The following ACSF3 variants were observed in gnomAD, a reference collection of about 807,000 sequenced individuals.
ACSF3 encodes acyl-CoA synthetase family member 3.
ACSF3 carries 78 observed loss-of-function variants against 53.2 expected under a neutral mutation model. The ratio of observed to expected loss-of-function variants is 1.47; its 90% CI spans 1.22 to 1.77. ACSF3 has a LOEUF of 1.77. Ranked by LOEUF, ACSF3 falls within the 40% of genes most tolerant of loss-of-function variation. The pLI is 0.00. For missense variants in ACSF3, 937 were observed against 771.1 expected (o/e 1.22, Z -2.55); for synonymous variants, 414 against 333.1 (o/e 1.24, Z -2.65).
In ACSF3 at chr16:89,100,692, A is replaced by G. The variant is rs1255089115; in HGVS notation, c.11A>G (p.His4Arg). MLPHVVLTFRRLGC... is the reference protein window; with the variant it reads MLPRVVLTFRRLGC... ...CCGCCTGTCAGTGCAATGCTGCCCC[A>G]TGTGGTGCTCACCTTCCGGCGCCTG... The change falls in exon 3 of 11, where the codon CAT becomes CGT. Residue 4 changes from histidine to arginine, a missense_variant. Transcript: ENST00000614302. The G allele has an allele frequency of 3.3e-6, 5 of 1,531,068 alleles. No homozygotes were observed. The Admixed American group carries it at 5.7e-5, about 18-fold the overall frequency. 94.8% of individuals were successfully genotyped at this position (1,531,068 alleles called of 1,614,324 possible).
intron 7 of ACSF3, among the ~76,000 whole-genome samples, chr16:89,129,601 A>G (rs935252726): frequency 6.6e-6 from 1 of 152,154 alleles, no homozygotes; most frequent in South Asian, 2.1e-4. Context: ...TGTTTAGACC[A>G]TTTACATTTA....
intron 8 of ACSF3, chr16:89,141,262 G>A: frequency 7.8e-7 from 1 of 1,287,284 alleles, no homozygotes; most frequent in Non-Finnish European, 1.0e-6. Flanking sequence ...CCTTGGCAAA[G>A]GCACAGCAAG....
chr16:89,132,111 C>T (rs1355517232), intron 7 of ACSF3, among the ~76,000 whole-genome samples: 5 of 152,286 alleles, frequency 3.3e-5, no homozygotes, highest in Admixed American at 6.5e-5. Flanking sequence ...GGCCCCACGG[C>T]GTTTGAGCGC....
At position 89,110,824 on chromosome 16, in the gene ACSF3, C is replaced by T. The variant is rs115492562; in HGVS notation, c.823-1268C>T. Among the ~76,000 whole-genome samples, 733 of 152,316 alleles carry T rather than the reference C, an allele frequency of 4.8e-3. 5 individuals carry two copies. Among genetic ancestry groups the T allele is most frequent in the African/African-American group, 0.017 (702 of 41,560 alleles). On this transcript the variant is annotated intron_variant, in intron 4 of 10. Transcript: ENST00000614302. ...TCCACCCGCTTATCTGTTCCCCTCC[C>T]TCCCTCGATGGCAGTGTTGTGGGTG...
rs762693999 is a variant in ACSF3, at chr16:89,154,437, C to G, written c.*230C>G. On this transcript the variant is annotated 3_prime_UTR_variant, in exon 11 of 11. Coordinates refer to ENST00000614302, the MANE Select transcript of ACSF3 (RefSeq NM_001243279.3). ...CCTGGTGTCACCTCTGCCTGGTCAC[C>G]GCCGACCTCATCTGTGCAGCGCGGT... The G allele has an allele frequency of 1.5e-6, 1 of 659,016 alleles. No homozygotes were observed. The highest frequency in any genetic ancestry group is 2.8e-6 in the Non-Finnish European group (1 of 358,970). 40.8% of individuals were successfully genotyped at this position (659,016 alleles called of 1,614,324 possible).
At chr16:89,142,048 C>T (rs1567740357) in intron 8 of ACSF3, among the ~76,000 whole-genome samples, 1 of 152,230 alleles carries the variant, frequency 6.6e-6, no homozygotes, top group Non-Finnish European at 1.5e-5. Context: ...AAGCCTGGGG[C>T]CCTGGGAATG....
chr16:89,120,883 C>G lies in ACSF3; in HGVS notation c.1209C>G (p.Ile403Met). ...AGAGGGAAGCCTGCTCCTACACCAT[C>G]CACGCAGAGGGAGACGAGAGGGGGA... Reference protein sequence around the residue: ...NPQREACSYTIHAEGDERGTK... With the variant: ...NPQREACSYTMHAEGDERGTK... The change falls in exon 7 of 11, where the codon ATC (isoleucine) becomes ATG (methionine). Residue 403 changes from isoleucine (I) to methionine (M), a missense_variant. Transcript: ENST00000614302. The G allele has an allele frequency of 6.2e-7, 1 of 1,614,086 alleles. No homozygotes were observed. Among genetic ancestry groups the G allele is most frequent in the Non-Finnish European group, 8.5e-7 (1 of 1,180,000 alleles).
intron 8 of ACSF3, chr16:89,141,150 C>T (rs751046269): frequency 1.2e-5 from 16 of 1,287,144 alleles, no homozygotes; most frequent in Admixed American, 4.6e-5. Flanking sequence ...GTGTCCGACC[C>T]GCTCTTGCTT....
chr16:89,140,143 G>A (rs368664671), intron 8 of ACSF3, among the ~76,000 whole-genome samples: 7 of 152,316 alleles, frequency 4.6e-5, no homozygotes, highest in African/African-American at 1.7e-4. Flanking sequence ...CAGTGTCCAC[G>A]GGCACCTGAG....
At chr16:89,114,574 A>C (rs1904740857) in intron 6 of ACSF3, 87 bp downstream of exon 6, 1 of 1,580,886 alleles carries the variant, frequency 6.3e-7, no homozygotes, top group Non-Finnish European at 8.6e-7. Flanking sequence ...CCACATTCGG[A>C]CTGAAGGGCG....
In ACSF3 at chr16:89,154,839, C is replaced by T. The variant is rs1567759182; in HGVS notation, c.*632C>T. 2.2e-6 allele frequency: 1 copy of T among 454,136 alleles called. No individual in the cohort carries two copies. Among genetic ancestry groups the T allele is most frequent in the Non-Finnish European group, 4.4e-6 (1 of 226,794 alleles). 28.1% of individuals were successfully genotyped at this position (454,136 alleles called of 1,614,324 possible). ...ACTGTGTGTCCATCAGCATGTGTCACAGAAAGTGCGTGGACGGATGGCCCC... is the reference window on the plus strand; with the variant it reads ...ACTGTGTGTCCATCAGCATGTGTCATAGAAAGTGCGTGGACGGATGGCCCC... On this transcript the variant is annotated 3_prime_UTR_variant, in exon 11 of 11. Coordinates refer to ENST00000614302, the MANE Select transcript of ACSF3 (RefSeq NM_001243279.3).
rs190927208 is a variant in ACSF3 at position 89,114,332 on chromosome 16, C to T, written c.978-7C>T. 1,336 of 1,613,912 alleles carry T rather than the reference C, an allele frequency of 8.3e-4. 1 individual carries two copies. Among genetic ancestry groups the T allele is most frequent in the Non-Finnish European group, 1.0e-3 (1,200 of 1,180,022 alleles). ...GGGCTAAACCTGCCTTTGGTTGTGC[C>T]GCGTAGGCTGATGGTCTCAGGCTCA... is the stretch of plus-strand genomic sequence containing the variant. On this transcript the variant is annotated splice_region_variant and splice_polypyrimidine_tract_variant and intron_variant, in intron 5 of 10. Coordinates refer to ENST00000614302, the MANE Select transcript of ACSF3 (RefSeq NM_001243279.3).
chr16:89,097,656 C>T (rs1363496735), intron 1 of ACSF3, among the ~76,000 whole-genome samples: 2 of 152,198 alleles, frequency 1.3e-5, no homozygotes, highest in Middle Eastern at 3.2e-3. Context: ...GTGCCGATCT[C>T]GTGTCTTGTG....
intron 10 of ACSF3, chr16:89,152,793 T>G (rs1177018142): frequency 6.6e-6 from 1 of 152,006 alleles, no homozygotes; most frequent in African/African-American, 2.4e-5. Context: ...TTCGGGAGGA[T>G]CCTTTGAGCC....
At chr16:89,122,450 G>A (rs1042397233) in intron 7 of ACSF3, 8 of 445,266 alleles carry the variant, frequency 1.8e-5, no homozygotes, top group Non-Finnish European at 3.2e-5. Flanking sequence ...TAGGCTGCTG[G>A]CCACACCCCA....
intron 1 of ACSF3, among the ~76,000 whole-genome samples, chr16:89,096,502 A>G (rs977552129): frequency 6.6e-6 from 1 of 152,194 alleles, no homozygotes; most frequent in Non-Finnish European, 1.5e-5. Flanking sequence ...TCTGTGCTGA[A>G]GAGAACTGAT....
At chr16:89,147,183 A>G (rs1913137399) in intron 10 of ACSF3, among the ~76,000 whole-genome samples, 1 of 48,846 alleles carries the variant, frequency 2.0e-5, no homozygotes, top group East Asian at 4.8e-4. Flanking sequence ...CCACAGAGGG[A>G]GGGAGGGTCC....
intron 4 of ACSF3, among the ~76,000 whole-genome samples, chr16:89,108,759 A>C (rs1241158998): frequency 6.6e-6 from 1 of 152,116 alleles, no homozygotes; most frequent in Non-Finnish European, 1.5e-5. Context: ...GATATACCAC[A>C]TTTTCCTCAT....
At chr16:89,118,031 T>TTCCCTCGGGCGCCGGGGACGC (rs1905574338) in intron 6 of ACSF3, among the ~76,000 whole-genome samples, 1 of 38,398 alleles carries the variant, frequency 2.6e-5, no homozygotes, top group African/African-American at 8.0e-5. Flanking sequence ...GCCAGGGACG[T>TTCCCTCGGGCGCCGGGGACGC]TCCCTCTTCT....
Sources: gnomAD v4.1 joint callset for allele counts (sites outside exome capture counted in the v4.1 genomes callset) on GRCh38, gnomAD v4.1.1 for gene constraint, MANE v1.5 for transcripts, NCBI Gene and HGNC (gene_info 2026-07-23, HGNC 2026-07-21) for gene names.